Variants in WWOX observed in about 807,000 individuals in gnomAD.
WWOX encodes WW domain containing oxidoreductase, also known as WW domain-containing oxidoreductase.
In WWOX, 69 loss-of-function variants were observed where a neutral mutation model predicts 46.2. The ratio of observed to expected loss-of-function variants is 1.49; its 90% CI spans 1.23 to 1.82. The LOEUF is 1.82. Among genes scored for constraint, WWOX ranks in the 40% most tolerant of loss-of-function variants. The probability of loss-of-function intolerance (pLI) is 0.00; values close to 1 mark genes in which losing one functional copy is unlikely to be tolerated. For synonymous variants in WWOX, 359 were observed against 202.6 expected (o/e 1.77, Z -6.56); for missense variants, 919 against 542.6 (o/e 1.69, Z -6.89).
chr16:79,135,902 A>T (rs980051489), intron 8 of WWOX, among the ~76,000 whole-genome samples: 2 of 152,144 alleles, frequency 1.3e-5, no homozygotes, highest in African/African-American at 4.8e-5. Context: ...AGCTTTCTAT[A>T]AGATTGCTCT....
intron 8 of WWOX, among the ~76,000 whole-genome samples, chr16:79,201,123 A>C (rs1187224703): frequency 1.3e-5 from 2 of 152,088 alleles, no homozygotes; most frequent in Non-Finnish European, 2.9e-5. Context: ...ATAGGTGTCA[A>C]AGACAGGAGT....
intron 8 of WWOX, among the ~76,000 whole-genome samples, chr16:78,656,314 C>T (rs946925011): frequency 6.6e-6 from 1 of 152,122 alleles, no homozygotes; most frequent in Non-Finnish European, 1.5e-5. Flanking sequence ...TGTCCTTTCT[C>T]TGTCCCCTCC....
chr16:78,463,890 G>C (rs1473496875), intron 8 of WWOX, among the ~76,000 whole-genome samples: 2 of 152,164 alleles, frequency 1.3e-5, no homozygotes, highest in African/African-American at 4.8e-5. Context: ...TTCTAGTATG[G>C]ACCTTTGGGG....
chr16:79,177,889 C>A (rs1230962898), intron 8 of WWOX, among the ~76,000 whole-genome samples: 3 of 152,298 alleles, frequency 2.0e-5, no homozygotes, highest in South Asian at 2.1e-4. Flanking sequence ...TTATAAATAA[C>A]AGAAATGTAA....
At position 78,654,321 on chromosome 16, in the gene WWOX, A is replaced by G. The variant is rs554230947; in HGVS notation, c.1056+221569A>G. 4.6e-5 allele frequency among the ~76,000 whole-genome samples: 7 copies of G among 152,348 alleles called. No homozygotes were observed. The South Asian group carries it at 6.2e-4, about 14-fold the overall frequency. On this transcript the variant is annotated intron_variant, in intron 8 of 8. Coordinates refer to ENST00000566780, the MANE Select transcript of WWOX (RefSeq NM_016373.4). The stretch of plus-strand genomic sequence containing the variant: ...ATAAATCCCTTTGTAAAAATATAAA[A>G]TAATCTTACAATCATCATCGTCATC...
chr16:79,162,422 G>T (rs1271118992), intron 8 of WWOX, among the ~76,000 whole-genome samples: 1 of 152,122 alleles, frequency 6.6e-6, no homozygotes, highest in Non-Finnish European at 1.5e-5. Context: ...CAAGTTAGGG[G>T]CTTCTTCTGG....
chr16:78,807,533 A>G (rs2051074374), intron 8 of WWOX, among the ~76,000 whole-genome samples: 1 of 152,258 alleles, frequency 6.6e-6, no homozygotes, highest in South Asian at 2.1e-4. Flanking sequence ...CATGGATTCT[A>G]ATTAACGACA....
At chr16:78,617,838 G>C (rs944116946) in intron 8 of WWOX, among the ~76,000 whole-genome samples, 2 of 152,170 alleles carry the variant, frequency 1.3e-5, no homozygotes, top group African/African-American at 4.8e-5. Context: ...TGGAATGAAG[G>C]TGTCTTGCTA....
At chr16:78,903,805 G>A (rs2044889223) in intron 8 of WWOX, among the ~76,000 whole-genome samples, 1 of 152,190 alleles carries the variant, frequency 6.6e-6, no homozygotes, top group South Asian at 2.1e-4. Context: ...CATGCTGAGA[G>A]TCCAGTCCAT....
chr16:78,358,258 A>G (rs1451619819), intron 5 of WWOX, among the ~76,000 whole-genome samples: 2 of 152,220 alleles, frequency 1.3e-5, no homozygotes, highest in Non-Finnish European at 2.9e-5. Flanking sequence ...AAATTCATTC[A>G]TGTATGTTAT....
chr16:78,428,838 C>G (rs754872544), intron 7 of WWOX, among the ~76,000 whole-genome samples: 1 of 152,146 alleles, frequency 6.6e-6, no homozygotes, highest in South Asian at 2.1e-4. Flanking sequence ...AAGACCTTGT[C>G]TCTAAAAGAA....
intron 8 of WWOX, among the ~76,000 whole-genome samples, chr16:78,639,733 T>A (rs1380818489): frequency 6.6e-6 from 1 of 152,048 alleles, no homozygotes; most frequent in East Asian, 1.9e-4. Flanking sequence ...CCAGCTAATT[T>A]TTTGTCTTTT....
intron 7 of WWOX, among the ~76,000 whole-genome samples, chr16:78,431,555 T>C (rs946297240): frequency 6.6e-6 from 1 of 152,204 alleles, no homozygotes; most frequent in Admixed American, 6.5e-5. Flanking sequence ...CTTTTCTGTT[T>C]AATTTAATTA....
chr16:78,640,125 T>C (rs1023204055), intron 8 of WWOX, among the ~76,000 whole-genome samples: 1 of 151,556 alleles, frequency 6.6e-6, no homozygotes, highest in Non-Finnish European at 1.5e-5. Context: ...AAGAAATGGA[T>C]CTTCAGGTTT....
intron 4 of WWOX, among the ~76,000 whole-genome samples, chr16:78,128,941 T>A (rs2033474250): frequency 6.6e-6 from 1 of 152,190 alleles, no homozygotes. Context: ...GCTTTATCTA[T>A]TAGCAAAGGA....
rs111914970 is a variant in WWOX, at chr16:78,673,937, G to A, written c.1056+241185G>A. Among the ~76,000 whole-genome samples the A allele has an allele frequency of 4.2e-3, 636 of 152,206 alleles. 6 individuals carry two copies. Among genetic ancestry groups the A allele is most frequent in the African/African-American group, 0.014 (584 of 41,524 alleles). On this transcript the variant is annotated intron_variant, in intron 8 of 8. Transcript: ENST00000566780. The stretch of plus-strand genomic sequence containing the variant: ...TTCATCCCATTTGAGTTATGAGGGT[G>A]TATTACTGAGCACATAAAATCAGAA...
chr16:78,813,353 G>A (rs111687657), intron 8 of WWOX, among the ~76,000 whole-genome samples: 36 of 151,852 alleles, frequency 2.4e-4, no homozygotes, highest in African/African-American at 8.7e-4. Context: ...AGTCCAAGAA[G>A]CCTGCTTTTC....
chr16:78,387,165 A>T (rs184438993), intron 6 of WWOX, among the ~76,000 whole-genome samples: 19 of 152,340 alleles, frequency 1.2e-4, no homozygotes, highest in African/African-American at 4.6e-4. Flanking sequence ...AGCTTCCCAC[A>T]TACCAAAAGA....
chr16:78,755,605 C>G (rs922716518), intron 8 of WWOX, among the ~76,000 whole-genome samples: 3 of 152,176 alleles, frequency 2.0e-5, no homozygotes, highest in Non-Finnish European at 4.4e-5. Context: ...CACACACCCA[C>G]TGGGATTCCT....
Sources: allele counts gnomAD v4.1 joint callset (sites outside exome capture counted in the v4.1 genomes callset), GRCh38; gene constraint gnomAD v4.1.1; transcripts MANE v1.5; gene names NCBI Gene and HGNC (gene_info 2026-07-23, HGNC 2026-07-21).